The following KIRREL3 variants were observed in gnomAD, a reference collection of about 807,000 sequenced individuals.
The protein encoded by KIRREL3 is kirre like nephrin family adhesion molecule 3, also known as kin of IRRE-like protein 3.
KIRREL3 carries 36 observed loss-of-function variants against 89.7 expected under a neutral mutation model. The ratio of observed to expected loss-of-function variants is 0.40; its 90% CI spans 0.31 to 0.53. The LOEUF (loss-of-function observed/expected upper bound fraction) is 0.53. KIRREL3 is among the 20% of genes least tolerant of loss of function. The probability of loss-of-function intolerance (pLI) is 0.49; values close to 1 mark genes in which losing one functional copy is unlikely to be tolerated. For missense variants in KIRREL3, 864 were observed against 1,056.6 expected, an observed-to-expected ratio of 0.82 and a Z score of 2.53; for synonymous variants, 445 against 441.4, an observed-to-expected ratio of 1.01 and a Z score of -0.10.
chr11:126,581,114 G>T (rs1291973294), intron 1 of KIRREL3, among the ~76,000 whole-genome samples: 1 of 152,044 alleles, frequency 6.6e-6, no homozygotes, highest in Non-Finnish European at 1.5e-5. Context: ...TAAAATCAGT[G>T]CCCCAGAAGC....
chr11:126,816,196 G>T (rs1242251224), intron 1 of KIRREL3, among the ~76,000 whole-genome samples: 2 of 152,204 alleles, frequency 1.3e-5, no homozygotes, highest in African/African-American at 4.8e-5. Context: ...TGGAATGCCA[G>T]TAATTATCAC....
At chr11:126,433,767 G>A (rs953616832) in intron 13 of KIRREL3, among the ~76,000 whole-genome samples, 23 of 152,216 alleles carry the variant, frequency 1.5e-4, no homozygotes, top group African/African-American at 5.3e-4. Flanking sequence ...ATTGATTTGG[G>A]TTGGTTTCTC....
rs1170572042 is a variant in KIRREL3, at chr11:126,874,174, C to T, written c.55+126281G>A. 4.6e-5 allele frequency among the ~76,000 whole-genome samples: 7 copies of T among 152,188 alleles called. No individual in the cohort carries two copies. The East Asian group carries it at 7.7e-4, about 17-fold the overall frequency. The stretch of plus-strand genomic sequence containing the variant: ...TTCTCCTTCCCCATTGGCATTAGAT[C>T]GAAAGGTCTCTGAGTTAGCTAGCTA... On this transcript the variant is annotated intron_variant, in intron 1 of 16. Coordinates refer to ENST00000525144, the MANE Select transcript of KIRREL3 (RefSeq NM_032531.4).
Position 126,987,121 on chromosome 11 carries a change from C to T in KIRREL3, c.55+13334G>A, listed in dbSNP as rs1408793545. ...AGAGAATCTACGAACTCAGATAACC[C>T]AGGAACCATAGAAAGACCCTAATAC... On this transcript the variant is annotated intron_variant, in intron 1 of 16. Transcript: ENST00000525144. The surrounding 1 kb of genome is among the most constrained non-coding windows in gnomAD (Gnocchi z 4.6). Among the ~76,000 whole-genome samples the T allele has an allele frequency of 6.6e-6, 1 of 152,156 alleles. No individual in the cohort carries two copies. Among genetic ancestry groups the T allele is most frequent in the African/African-American group, 2.4e-5 (1 of 41,428 alleles).
rs1045526799 is a variant in KIRREL3, at chr11:126,653,227, G to C, written c.56-90315C>G. Among the ~76,000 whole-genome samples the C allele has an allele frequency of 3.3e-5, 5 of 152,184 alleles. No individual in the cohort carries two copies. Among genetic ancestry groups the C allele is most frequent in the African/African-American group, 1.2e-4 (5 of 41,458 alleles). ...ATCTACAGAATCCAACGGAGGAGGC[G>C]GTACTGGGGCCCGTGGTGGCAGAGG... On this transcript the variant is annotated intron_variant, in intron 1 of 16. Coordinates refer to ENST00000525144, the MANE Select transcript of KIRREL3 (RefSeq NM_032531.4). This position sits in a 1 kb window ranked among gnomAD's most constrained non-coding sequence, Gnocchi z 5.4.
chr11:126,783,099 T>C lies in KIRREL3; in HGVS notation c.55+217356A>G, dbSNP rs2035814848. Among the ~76,000 whole-genome samples the C allele has an allele frequency of 6.6e-6, 1 of 152,236 alleles. No individual in the cohort carries two copies. The highest frequency in any genetic ancestry group is 6.5e-5 in the Admixed American group (1 of 15,282). On this transcript the variant is annotated intron_variant, in intron 1 of 16. Coordinates refer to ENST00000525144, the MANE Select transcript of KIRREL3 (RefSeq NM_032531.4). The surrounding 1 kb of genome is among the most constrained non-coding windows in gnomAD (Gnocchi z 4.3). Reference sequence around the variant, plus strand: ...GGCTAAGAGCAACAGAAATTTATTCTCTCACAGTTCCGGAGAATGCACGTT... The same window carrying C: ...GGCTAAGAGCAACAGAAATTTATTCCCTCACAGTTCCGGAGAATGCACGTT...
In KIRREL3 at chr11:126,615,678, T is replaced by G. The variant is rs779134875; in HGVS notation, c.56-52766A>C. ...ATGGAGCCAGGAGCTGAGTAGATTTTTAGAGTCTGAGGTCACCCAGTTACT... is the reference window on the plus strand; with the variant it reads ...ATGGAGCCAGGAGCTGAGTAGATTTGTAGAGTCTGAGGTCACCCAGTTACT... On this transcript the variant is annotated intron_variant, in intron 1 of 16. Coordinates refer to ENST00000525144, the MANE Select transcript of KIRREL3 (RefSeq NM_032531.4). The surrounding 1 kb of genome is among the most constrained non-coding windows in gnomAD (Gnocchi z 5.4). Among the ~76,000 whole-genome samples the G allele has an allele frequency of 3.9e-4, 59 of 152,274 alleles. No homozygotes were observed. Among genetic ancestry groups the G allele is most frequent in the Non-Finnish European group, 7.6e-4 (52 of 68,016 alleles).
rs564613324 is a variant in KIRREL3, at chr11:126,742,414, T to A, written c.56-179502A>T. ...TTCATGCCTCAGTGAGCTGGACTGA[T>A]AATATGGAATGGCCAACATGAAGCA... On this transcript the variant is annotated intron_variant, in intron 1 of 16. Coordinates refer to ENST00000525144, the MANE Select transcript of KIRREL3 (RefSeq NM_032531.4). The surrounding 1 kb of genome is among the most constrained non-coding windows in gnomAD (Gnocchi z 5.3). Among the ~76,000 whole-genome samples the A allele has an allele frequency of 6.6e-6, 1 of 152,282 alleles. No individual in the cohort carries two copies. The highest frequency in any genetic ancestry group is 2.1e-4 in the South Asian group (1 of 4,826).
At chr11:127,001,579 GGA>G (rs1329130359), upstream of KIRREL3, among the ~76,000 whole-genome samples, 2 of 152,116 alleles carry the variant, frequency 1.3e-5, no homozygotes, top group African/African-American at 4.8e-5. Context: ...CAATTGCAAA[GGA>G]GAGGCCAAGG....
At chr11:126,851,114 A>C (rs904773449) in intron 1 of KIRREL3, among the ~76,000 whole-genome samples, 2 of 152,190 alleles carry the variant, frequency 1.3e-5, no homozygotes, top group Non-Finnish European at 2.9e-5. Context: ...ATTCTGTATA[A>C]AGAAGGCTTT....
In KIRREL3 at chr11:126,788,682, T is replaced by A. The variant is rs1309933984; in HGVS notation, c.55+211773A>T. ...GACCCATCATCACCAGTCCTCCACATTATAGACCACAAAGGCCCTACAATT... is the reference window on the plus strand; with the variant it reads ...GACCCATCATCACCAGTCCTCCACAATATAGACCACAAAGGCCCTACAATT... On this transcript the variant is annotated intron_variant, in intron 1 of 16. Transcript: ENST00000525144. The surrounding 1 kb of genome is among the most constrained non-coding windows in gnomAD (Gnocchi z 4.1). Among the ~76,000 whole-genome samples the A allele has an allele frequency of 6.6e-6, 1 of 152,174 alleles. No homozygotes were observed. The highest frequency in any genetic ancestry group is 2.4e-5 in the African/African-American group (1 of 41,444).
In KIRREL3 at chr11:126,905,279, G is replaced by A. The variant is rs943268693; in HGVS notation, c.55+95176C>T. The stretch of plus-strand genomic sequence containing the variant: ...TTTTTTAGTGAAGGAGATGCTTCCG[G>A]GGGGAGCTGCAAGCTGAGGGGCTGC... On this transcript the variant is annotated intron_variant, in intron 1 of 16. Coordinates refer to ENST00000525144, the MANE Select transcript of KIRREL3 (RefSeq NM_032531.4). This position sits in a 1 kb window ranked among gnomAD's most constrained non-coding sequence, Gnocchi z 5.0. Among the ~76,000 whole-genome samples, 1 of 152,086 alleles carries A rather than the reference G, an allele frequency of 6.6e-6. No homozygotes were observed. Among genetic ancestry groups the A allele is most frequent in the Non-Finnish European group, 1.5e-5 (1 of 68,024 alleles).
At position 126,578,415 on chromosome 11, in the gene KIRREL3, T is replaced by C. The variant is rs1941368731; in HGVS notation, c.56-15503A>G. On this transcript the variant is annotated intron_variant, in intron 1 of 16. Coordinates refer to ENST00000525144, the MANE Select transcript of KIRREL3 (RefSeq NM_032531.4). This position sits in a 1 kb window ranked among gnomAD's most constrained non-coding sequence, Gnocchi z 4.9. ...ACGCTAGGAAAGAAAAGGGATGATC[T>C]TGGTCTTGGCGTGAACTTCCACATG... 6.6e-6 allele frequency among the ~76,000 whole-genome samples: 1 copy of C among 152,230 alleles called. No homozygotes were observed. The highest frequency in any genetic ancestry group is 2.1e-4 in the South Asian group (1 of 4,834).
chr11:126,745,761 T>A (rs1249214244), intron 1 of KIRREL3, among the ~76,000 whole-genome samples: 1 of 152,236 alleles, frequency 6.6e-6, no homozygotes, highest in East Asian at 1.9e-4. Flanking sequence ...CATTCATTGC[T>A]TGAAATGTGG....
At chr11:126,510,868 T>A (rs1266028049) in intron 4 of KIRREL3, among the ~76,000 whole-genome samples, 2 of 152,220 alleles carry the variant, frequency 1.3e-5, no homozygotes, top group African/African-American at 4.8e-5. Flanking sequence ...TACTGACTGC[T>A]CAACTCTCTC....
intron 1 of KIRREL3, among the ~76,000 whole-genome samples, chr11:126,774,526 C>A (rs571225986): frequency 6.6e-6 from 1 of 152,234 alleles, no homozygotes; most frequent in South Asian, 2.1e-4. Flanking sequence ...GGACAGTGTG[C>A]ATGCCTTCAC....
In KIRREL3 at chr11:126,940,340, G is replaced by C. The variant is rs1242517579; in HGVS notation, c.55+60115C>G. On this transcript the variant is annotated intron_variant, in intron 1 of 16. Transcript: ENST00000525144. The surrounding 1 kb of genome is among the most constrained non-coding windows in gnomAD (Gnocchi z 4.6). ...TTTCTTTTATTTCAGCAGGGTTCCA[G>C]ATAATAAAAAGATTTATAATTACGC... 2.6e-5 allele frequency: 4 copies of C among 152,080 alleles called. No homozygotes were observed. The highest frequency in any genetic ancestry group is 5.9e-5 in the Non-Finnish European group (4 of 68,018). The allele number at this position is 152,080 out of a possible 1,614,324, so 9.4% of individuals were successfully genotyped here. A position where few individuals can be genotyped will look rare whatever the true frequency, so the allele number is the denominator to read the frequency against.
chr11:126,453,510 G>T (rs1427561671), intron 7 of KIRREL3, among the ~76,000 whole-genome samples: 1 of 152,246 alleles, frequency 6.6e-6, no homozygotes, highest in Non-Finnish European at 1.5e-5. Context: ...CTGTAATCTT[G>T]TCAGTTAGGA....
At chr11:126,659,264 T>C (rs1216009590) in intron 1 of KIRREL3, among the ~76,000 whole-genome samples, 1 of 152,244 alleles carries the variant, frequency 6.6e-6, no homozygotes, top group African/African-American at 2.4e-5. Flanking sequence ...AGATAGCTTC[T>C]CCATGGGTCC....
Sources: allele counts gnomAD v4.1 joint callset (sites outside exome capture counted in the v4.1 genomes callset), GRCh38; gene constraint gnomAD v4.1.1; non-coding constraint Gnocchi (gnomAD v3.1); transcripts MANE v1.5; gene names NCBI Gene and HGNC (gene_info 2026-07-23, HGNC 2026-07-21).